Variants in GAS7 observed in about 807,000 individuals in gnomAD.
GAS7 encodes the protein growth arrest specific 7.
GAS7 carries 28 observed loss-of-function variants against 71.1 expected under a neutral mutation model. That is an observed-to-expected ratio of 0.39 (90% CI 0.29 to 0.54). The LOEUF (loss-of-function observed/expected upper bound fraction) is 0.54. Among genes scored for constraint, GAS7 ranks in the 20% least tolerant of loss-of-function variants. The pLI is 0.62. For synonymous variants in GAS7, 258 were observed against 245.8 expected (o/e 1.05, Z -0.46); for missense variants, 436 against 627.8 (o/e 0.69, Z 3.27).
At chr17:10,047,883 T>G (rs191603006) in intron 1 of GAS7, among the ~76,000 whole-genome samples, 8 of 152,338 alleles carry the variant, frequency 5.3e-5, no homozygotes, top group Admixed American at 4.6e-4. Context: ...CAAGAGTCTA[T>G]GTAACATATA....
chr17:10,075,222 G>A (rs528901064), intron 1 of GAS7, among the ~76,000 whole-genome samples: 7 of 152,062 alleles, frequency 4.6e-5, no homozygotes, highest in East Asian at 1.9e-4. Flanking sequence ...CAGGCGTGGC[G>A]GCACACACCT....
rs747814876 is a variant in GAS7 at position 10,154,844 on chromosome 17, GAA to G, written c.183+43362_183+43363del. ...GTGGTGCTCACTGCACTGTGTTCAG[GAA>G]AAGTGTGTCCTGGAGAAACGCTTCA... is the stretch of plus-strand genomic sequence containing the variant. On this transcript the variant is annotated intron_variant, in intron 1 of 13. Coordinates refer to ENST00000432992, the MANE Select transcript of GAS7 (RefSeq NM_201433.2). Among the ~76,000 whole-genome samples, 101 of 151,168 alleles carry G rather than the reference GAA, an allele frequency of 6.7e-4. 1 individual carries two copies. Among genetic ancestry groups the G allele is most frequent in the Non-Finnish European group, 5.4e-4 (37 of 67,900 alleles).
chr17:10,122,517 T>TCGCCCTCCCTGG (rs1483865081), intron 1 of GAS7, among the ~76,000 whole-genome samples: 1 of 152,108 alleles, frequency 6.6e-6, no homozygotes, highest in Non-Finnish European at 1.5e-5. Flanking sequence ...AGAAGGAGCC[T>TCGCCCTCCCTGG]CGCCCTCCCT....
In GAS7 at chr17:9,969,908, T is replaced by C. The variant is rs1450757164; in HGVS notation, c.386-146A>G. The C allele has an allele frequency of 1.6e-6, 1 of 608,080 alleles. No individual in the cohort carries two copies. The highest frequency in any genetic ancestry group is 1.8e-5 in the African/African-American group (1 of 54,312). The allele number at this position is 608,080 out of a possible 1,614,324, so 37.7% of individuals were successfully genotyped here. On this transcript the variant is annotated intron_variant, in intron 3 of 13. Coordinates refer to ENST00000432992, the MANE Select transcript of GAS7 (RefSeq NM_201433.2). The surrounding 1 kb of genome is among the most constrained non-coding windows in gnomAD (Gnocchi z 5.5). ...AAGACCATCCCTCAGGATCTGATCT[T>C]ATCTGTATCTGCAGAGCTGGAAATG...
At chr17:9,928,378 T>C (rs919119054) in intron 9 of GAS7, among the ~76,000 whole-genome samples, 10 of 151,530 alleles carry the variant, frequency 6.6e-5, no homozygotes, top group Non-Finnish European at 1.3e-4. Context: ...CGCCTCGGCC[T>C]CCCAAAGTGC....
chr17:10,054,957 C>T (rs2073115886), intron 1 of GAS7, among the ~76,000 whole-genome samples: 1 of 152,124 alleles, frequency 6.6e-6, no homozygotes, highest in African/African-American at 2.4e-5. Context: ...GAGGAGCAGC[C>T]CATCAGCTGA....
chr17:10,159,098 T>TATATATATATATA (rs1555538321), intron 1 of GAS7, among the ~76,000 whole-genome samples: 25 of 45,482 alleles, frequency 5.5e-4, no homozygotes, highest in South Asian at 8.0e-4. Context: ...ATATATATAT[T>TATATATATATATA]AAAGATAACA....
chr17:10,024,173 C>T (rs72807394), intron 1 of GAS7, among the ~76,000 whole-genome samples: 17,671 of 152,030 alleles, frequency 0.12, 1,215 homozygotes, highest in East Asian at 0.16. Flanking sequence ...CTGCCTTCTG[C>T]GAAGGCAGAA....
rs542561705 is a variant in GAS7, at chr17:9,996,851, G to C, written c.305-14967C>G. On this transcript the variant is annotated intron_variant, in intron 2 of 13. Transcript: ENST00000432992. ...GACAGAGTTTCTCCATGTTGGCCAG[G>C]CTGGTCTCGAACTCCTGATCTCAGG... is the stretch of plus-strand genomic sequence containing the variant. Among the ~76,000 whole-genome samples, 569 of 151,714 alleles carry C rather than the reference G, an allele frequency of 3.8e-3. 2 individuals are homozygous for C. The highest frequency in any genetic ancestry group is 0.013 in the African/African-American group (537 of 41,162).
intron 1 of GAS7, among the ~76,000 whole-genome samples, chr17:10,029,936 C>T (rs1185071206): frequency 6.6e-6 from 1 of 152,036 alleles, no homozygotes; most frequent in Non-Finnish European, 1.5e-5. Flanking sequence ...ATCATGAGAA[C>T]ACCGAGGGAG....
chr17:9,986,710 A>AC (rs2070663805), intron 2 of GAS7, among the ~76,000 whole-genome samples: 1 of 152,094 alleles, frequency 6.6e-6, no homozygotes, highest in African/African-American at 2.4e-5. Context: ...CAGACCCCCC[A>AC]CAAGCTAGAG....
At position 9,915,266 on chromosome 17, in the gene GAS7, C is replaced by G. The variant is rs1487001735; in HGVS notation, c.*1962G>C. The stretch of plus-strand genomic sequence containing the variant: ...ATGAGCCATATTGTACTCAAAATAT[C>G]TTGTTAATAACAAGGCTATTGGCTT... On this transcript the variant is annotated 3_prime_UTR_variant, in exon 14 of 14. Coordinates refer to ENST00000432992, the MANE Select transcript of GAS7 (RefSeq NM_201433.2). 1 of 230,904 alleles carries G rather than the reference C, an allele frequency of 4.3e-6. No homozygotes were observed. The highest frequency in any genetic ancestry group is 8.6e-6 in the Non-Finnish European group (1 of 116,414). The allele number at this position is 230,904 out of a possible 1,614,324, so 14.3% of individuals were successfully genotyped here.
At chr17:10,113,122 G>T (rs1239802415) in intron 1 of GAS7, among the ~76,000 whole-genome samples, 1 of 152,016 alleles carries the variant, frequency 6.6e-6, no homozygotes, top group Non-Finnish European at 1.5e-5. Flanking sequence ...CCATGGGAGA[G>T]AAATTCAACA....
intron 1 of GAS7, chr17:10,027,149 A>G (rs2072484217): frequency 6.6e-6 from 1 of 152,202 alleles, no homozygotes; most frequent in Admixed American, 6.5e-5. Context: ...GAAACAGACT[A>G]TAAGATTCGG....
chr17:10,025,170 AG>A, intron 1 of GAS7, among the ~76,000 whole-genome samples: 1 of 152,310 alleles, frequency 6.6e-6, no homozygotes, highest in Admixed American at 6.5e-5. Context: ...TGGGAGGCCG[AG>A]GCAGGAGGAT....
chr17:9,984,322 G>A (rs2070552411), intron 2 of GAS7, among the ~76,000 whole-genome samples: 1 of 152,056 alleles, frequency 6.6e-6, no homozygotes, highest in Non-Finnish European at 1.5e-5. Flanking sequence ...GTGATTGGTG[G>A]TCTCAAGGCC....
intron 1 of GAS7, among the ~76,000 whole-genome samples, chr17:10,184,607 G>A (rs8070816): frequency 0.058 from 8,769 of 152,204 alleles, 429 homozygotes; most frequent in East Asian, 0.18. Flanking sequence ...GGGAGCTGGC[G>A]GGAAATGCAG....
chr17:10,007,954 T>C (rs1396658927), intron 2 of GAS7, among the ~76,000 whole-genome samples: 1 of 152,138 alleles, frequency 6.6e-6, no homozygotes, highest in Non-Finnish European at 1.5e-5. Context: ...ATTCTAGGCG[T>C]TTCATATAAA....
At chr17:9,958,103 C>A (rs1160719435) in intron 5 of GAS7, among the ~76,000 whole-genome samples, 1 of 152,140 alleles carries the variant, frequency 6.6e-6, no homozygotes, top group East Asian at 1.9e-4. Flanking sequence ...CCACCCACTA[C>A]CCCCCATTTC....
Sources: allele counts gnomAD v4.1 joint callset (sites outside exome capture counted in the v4.1 genomes callset), GRCh38; gene constraint gnomAD v4.1.1; non-coding constraint Gnocchi (gnomAD v3.1); transcripts MANE v1.5; gene names NCBI Gene and HGNC (gene_info 2026-07-23, HGNC 2026-07-21).